EFCAB5: variants seen among roughly 807,000 people sequenced by gnomAD.
EFCAB5 encodes the protein EF-hand calcium-binding domain-containing protein 5.
A neutral mutation model predicts 167.9 loss-of-function variants in EFCAB5; 131 were observed. That is an observed-to-expected ratio of 0.78 (90% CI 0.68 to 0.90). The LOEUF (loss-of-function observed/expected upper bound fraction) is 0.90, where lower values mean the gene tolerates loss of function less well. Ranked by LOEUF, EFCAB5 falls within the 40% of genes least tolerant of loss-of-function variation. EFCAB5 has a pLI of 0.00. For missense variants in EFCAB5, 1,663 were observed against 1,745.2 expected, an observed-to-expected ratio of 0.95 and a Z score of 0.84; for synonymous variants, 574 against 602.8, an observed-to-expected ratio of 0.95 and a Z score of 0.70.
chr17:30,031,359 G>A (rs1440500595), intron 7 of EFCAB5, among the ~76,000 whole-genome samples: 1 of 152,218 alleles, frequency 6.6e-6, no homozygotes, highest in Non-Finnish European at 1.5e-5. Flanking sequence ...TGATGCTGAT[G>A]CTGTTGGTCT....
At chr17:30,016,821 T>C (rs973350780) in intron 7 of EFCAB5, among the ~76,000 whole-genome samples, 2 of 152,184 alleles carry the variant, frequency 1.3e-5, no homozygotes, top group African/African-American at 4.8e-5. Flanking sequence ...TGAGAAATTA[T>C]AATCTTAAAA....
chr17:30,053,184 ATTAAT>A (rs751837502), intron 9 of EFCAB5, 66 bp from the exon 10 acceptor site: 11 of 1,494,530 alleles, frequency 7.4e-6, no homozygotes, highest in Non-Finnish European at 9.9e-6. Flanking sequence ...TTTTCTTTGC[ATTAAT>A]TTAATAGCTC....
chr17:30,075,789 T>C (rs145736084), intron 14 of EFCAB5, among the ~76,000 whole-genome samples: 314 of 152,316 alleles, frequency 2.1e-3, no homozygotes, highest in African/African-American at 7.0e-3. Context: ...GATACCCTGC[T>C]AGGTGCCACA....
intron 17 of EFCAB5, 96 bp from the exon 18 acceptor site, chr17:30,082,795 T>C: frequency 8.0e-7 from 1 of 1,246,030 alleles, no homozygotes; most frequent in Non-Finnish European, 1.1e-6. Context: ...TATCATGAAG[T>C]AATTAAATTA....
At chr17:29,979,401 C>G (rs180850844) in intron 4 of EFCAB5, among the ~76,000 whole-genome samples, 4 of 152,258 alleles carry the variant, frequency 2.6e-5, no homozygotes, top group Admixed American at 2.6e-4. Context: ...GGCATTCTAT[C>G]TGAGCTACCC....
chr17:30,070,375 A>G (rs1247083818), intron 14 of EFCAB5, among the ~76,000 whole-genome samples: 2 of 152,232 alleles, frequency 1.3e-5, no homozygotes, highest in African/African-American at 4.8e-5. Flanking sequence ...ACAAAATGCC[A>G]TGGATAGCCA....
At chr17:29,940,099 T>C (rs1448312589), upstream of EFCAB5, among the ~76,000 whole-genome samples, 1 of 150,058 alleles carries the variant, frequency 6.7e-6, no homozygotes, top group Non-Finnish European at 1.5e-5. Flanking sequence ...TTTTTTGAGA[T>C]GGAGTTTCGC....
chr17:29,972,633 T>G (rs1030564293), intron 4 of EFCAB5: 1 of 156,316 alleles, frequency 6.4e-6, no homozygotes, highest in Non-Finnish European at 1.4e-5. Context: ...CTGGTCTCAT[T>G]GGAGCCAGTT....
At chr17:30,019,719 T>C (rs2069130238) in intron 7 of EFCAB5, among the ~76,000 whole-genome samples, 1 of 152,116 alleles carries the variant, frequency 6.6e-6, no homozygotes, top group Admixed American at 6.6e-5. Flanking sequence ...GTGCTAGGAT[T>C]ACAGGCGTGA....
chr17:30,045,304 A>G (rs1346481706), intron 8 of EFCAB5, among the ~76,000 whole-genome samples: 2 of 151,902 alleles, frequency 1.3e-5, no homozygotes, highest in Non-Finnish European at 2.9e-5. Flanking sequence ...TAAAAATACA[A>G]AAAATTAGCC....
chr17:30,096,973 C>T (rs1458876355), intron 22 of EFCAB5, among the ~76,000 whole-genome samples: 8 of 138,512 alleles, frequency 5.8e-5, no homozygotes, highest in East Asian at 2.2e-4. Context: ...GCCACCACCC[C>T]GGTCACAATT....
At chr17:29,980,371 C>T (rs569318344) in intron 4 of EFCAB5, among the ~76,000 whole-genome samples, 7 of 152,252 alleles carry the variant, frequency 4.6e-5, no homozygotes, top group Admixed American at 2.6e-4. Context: ...AGCAGTTGTC[C>T]GTATACACTC....
chr17:30,090,527 G>A lies in EFCAB5; in HGVS notation c.3790G>A (p.Gly1264Arg), dbSNP rs369117077. The change falls in exon 20 of 23, where the codon GGA (glycine) becomes AGA (arginine). Residue 1264 changes from glycine (G) to arginine (R), a missense_variant. By Grantham distance (125) the Gly-to-Arg change is moderately radical (BLOSUM62 -2). Transcript: ENST00000394835. ...PLRERTGEAL[G>R]VLDFNIGQNR... ...TCGTGAGAGAACAGGAGAGGCTCTG[G>A]GAGTCCTCGATTTTAACATCGGCCA... 7 of 1,613,818 alleles carry A rather than the reference G, an allele frequency of 4.3e-6. No homozygotes were observed. Among genetic ancestry groups the A allele is most frequent in the Non-Finnish European group, 5.1e-6 (6 of 1,179,878 alleles).
At chr17:29,992,501 C>A (rs909738143) in intron 4 of EFCAB5, among the ~76,000 whole-genome samples, 4 of 152,166 alleles carry the variant, frequency 2.6e-5, no homozygotes, top group African/African-American at 9.7e-5. Flanking sequence ...GCGCATGCCA[C>A]CACACCCGGC....
At chr17:29,930,233 G>A in intron 1 of EFCAB5, 1 of 538,506 alleles carries the variant, frequency 1.9e-6, no homozygotes, top group Non-Finnish European at 3.3e-6. Context: ...CACAATGAGC[G>A]CTCCCAGTGC....
At chr17:29,953,229 T>C (rs1223747071) in intron 3 of EFCAB5, among the ~76,000 whole-genome samples, 1 of 152,146 alleles carries the variant, frequency 6.6e-6, no homozygotes, top group Non-Finnish European at 1.5e-5. Flanking sequence ...AGCATTCCTA[T>C]ACACCAACAA....
intron 3 of EFCAB5, among the ~76,000 whole-genome samples, chr17:29,957,131 C>A (rs1014945013): frequency 6.6e-6 from 1 of 151,944 alleles, no homozygotes; most frequent in Non-Finnish European, 1.5e-5. Flanking sequence ...TCCTTCTATA[C>A]CCAGTGTTTT....
chr17:30,079,158 G>T (rs761265595), intron 15 of EFCAB5, among the ~76,000 whole-genome samples: 1 of 152,144 alleles, frequency 6.6e-6, no homozygotes, highest in African/African-American at 2.4e-5. Context: ...GCTAAATAGC[G>T]ATACTTGCTC....
chr17:30,025,828 A>T (rs1291246462), intron 7 of EFCAB5, among the ~76,000 whole-genome samples: 1 of 152,194 alleles, frequency 6.6e-6, no homozygotes. Flanking sequence ...ACCATGGAAT[A>T]CTATGCAGCC....
Sources: allele counts gnomAD v4.1 joint callset (sites outside exome capture counted in the v4.1 genomes callset), GRCh38; gene constraint gnomAD v4.1.1; transcripts MANE v1.5; gene names NCBI Gene and HGNC (gene_info 2026-07-23, HGNC 2026-07-21).